PDCD4: variants seen among roughly 807,000 people sequenced by gnomAD.
PDCD4 encodes programmed cell death 4.
PDCD4 carries 56 observed loss-of-function variants against 54.0 expected under a neutral mutation model. That is an observed-to-expected ratio of 1.04 (90% CI 0.84 to 1.30). The LOEUF (loss-of-function observed/expected upper bound fraction) is 1.30, where lower values mean the gene tolerates loss of function less well. Ranked by LOEUF, PDCD4 falls within the 50% of genes most tolerant of loss-of-function variation. The probability of loss-of-function intolerance (pLI) is 0.00; values close to 1 mark genes in which losing one functional copy is unlikely to be tolerated. For missense variants in PDCD4, 584 were observed against 559.8 expected, an observed-to-expected ratio of 1.04 and a Z score of -0.44; for synonymous variants, 186 against 194.8, an observed-to-expected ratio of 0.95 and a Z score of 0.37.
intron 2 of PDCD4, among the ~76,000 whole-genome samples, chr10:110,878,474 A>C (rs1405252373): frequency 6.6e-6 from 1 of 152,206 alleles, no homozygotes; most frequent in Admixed American, 6.5e-5. Flanking sequence ...TGATGAAAGC[A>C]CTATGTTACA....
At chr10:110,892,028 G>A (rs532579942) in intron 8 of PDCD4, among the ~76,000 whole-genome samples, 1 of 152,258 alleles carries the variant, frequency 6.6e-6, no homozygotes, top group Admixed American at 6.5e-5. Context: ...CAGAAAGGTT[G>A]CAAGATAAAA....
intron 5 of PDCD4, among the ~76,000 whole-genome samples, chr10:110,886,367 T>C (rs1291384977): frequency 1.3e-5 from 2 of 152,130 alleles, no homozygotes; most frequent in African/African-American, 4.8e-5. Flanking sequence ...CTGAAGGATG[T>C]TGAGGAGTTC....
chr10:110,879,645 G>A (rs1263760750), intron 2 of PDCD4, among the ~76,000 whole-genome samples: 4 of 145,484 alleles, frequency 2.7e-5, no homozygotes, highest in South Asian at 2.2e-4. Flanking sequence ...AGAGCGACAC[G>A]CTGTCTCAAA....
intron 10 of PDCD4, among the ~76,000 whole-genome samples, chr10:110,895,329 TTA>T (rs1845815542): frequency 1.3e-5 from 2 of 152,198 alleles, no homozygotes; most frequent in East Asian, 3.9e-4. Context: ...AGACCATGCA[TTA>T]TTTGGTTTTA....
intron 8 of PDCD4, among the ~76,000 whole-genome samples, chr10:110,891,406 C>CAAAAA (rs376743141): frequency 7.3e-5 from 5 of 68,652 alleles, no homozygotes; most frequent in Admixed American, 3.7e-4. Context: ...GACTCTGTCT[C>CAAAAA]AAAAAAAAAA....
chr10:110,882,722 C>T (rs1001745645), intron 3 of PDCD4, among the ~76,000 whole-genome samples: 1 of 152,050 alleles, frequency 6.6e-6, no homozygotes, highest in Admixed American at 6.6e-5. Context: ...CCTTTGAGGT[C>T]CTCAATATAG....
intron 2 of PDCD4, among the ~76,000 whole-genome samples, chr10:110,880,994 GAAAC>G (rs1669765114): frequency 6.6e-6 from 1 of 152,272 alleles, no homozygotes; most frequent in Non-Finnish European, 1.5e-5. Flanking sequence ...TTTTTGGTAA[GAAAC>G]AAACATGCTT....
intron 4 of PDCD4, chr10:110,884,818 A>T (rs953145040): frequency 2.6e-5 from 4 of 152,170 alleles, no homozygotes; most frequent in African/African-American, 9.7e-5. Flanking sequence ...TATTATTATT[A>T]TTTTTTAGCT....
intron 1 of PDCD4, among the ~76,000 whole-genome samples, chr10:110,873,430 A>G (rs1845452737): frequency 6.6e-6 from 1 of 152,244 alleles, no homozygotes; most frequent in Non-Finnish European, 1.5e-5. Context: ...TATTTCAGGA[A>G]ATACATATGT....
rs754289029 is a variant in PDCD4, at chr10:110,887,846, A to G, written c.737A>G (p.Asp246Gly). 3 of 1,613,310 alleles carry G rather than the reference A, an allele frequency of 1.9e-6. No homozygotes were observed. The highest frequency in any genetic ancestry group is 2.5e-6 in the Non-Finnish European group (3 of 1,179,366). ...VEKSFDKLLK[D>G]LPELALDTPR... is the part of the protein sequence containing the mutation. ...AAATCATTTGATAAATTGTTGAAAG[A>G]TCTACCTGAATTAGCACTGGATACT... Residue 246 changes from aspartate (D) to glycine (G), a missense_variant, in exon 6 of 12, where the codon GAT becomes GGT. Asp to Gly is a moderately conservative substitution (Grantham distance 94, BLOSUM62 -1). Coordinates refer to ENST00000280154, the MANE Select transcript of PDCD4 (RefSeq NM_014456.5).
chr10:110,882,911 TAGC>T, intron 3 of PDCD4, 89 bp from the exon 4 acceptor site: 1 of 809,874 alleles, frequency 1.2e-6, no homozygotes, highest in Admixed American at 2.4e-5. Context: ...AATTTTTTTT[TAGC>T]TGTTGTTTAA....
chr10:110,887,944 A>T, intron 6 of PDCD4, 58 bp downstream of exon 6: 3 of 1,172,094 alleles, frequency 2.6e-6, no homozygotes, highest in Non-Finnish European at 3.8e-6. Context: ...CTAATTGTGG[A>T]AATAATGTAT....
At position 110,881,360 on chromosome 10, in the gene PDCD4, C is replaced by G. The variant is rs1252068718; in HGVS notation, c.171C>G (p.Ala57=). The part of the protein sequence containing the change: ...ASSINEARIN[A]KAKRRLRKNS... Reference sequence around the variant, plus strand: ...CCATTAACGAAGCTAGAATTAATGCCAAGGCAAAAAGGCGACTAAGGAAAA... The same window carrying G: ...CCATTAACGAAGCTAGAATTAATGCGAAGGCAAAAAGGCGACTAAGGAAAA... The change falls in exon 3 of 12, where the codon GCC becomes GCG. Residue 57 remains alanine, a synonymous_variant. Transcript: ENST00000280154. 1 of 1,614,052 alleles carries G rather than the reference C, an allele frequency of 6.2e-7. No homozygotes were observed. Among genetic ancestry groups the G allele is most frequent in the East Asian group, 2.2e-5 (1 of 44,888 alleles).
At chr10:110,888,737 C>A (rs1310568706) in intron 6 of PDCD4, among the ~76,000 whole-genome samples, 3 of 152,030 alleles carry the variant, frequency 2.0e-5, no homozygotes, top group African/African-American at 7.2e-5. Context: ...AAATATCTTT[C>A]CCTGTGGCCA....
chr10:110,889,498 T>C (rs1203341629), intron 6 of PDCD4, 35 bp from the exon 7 acceptor site: 1 of 1,256,126 alleles, frequency 8.0e-7, no homozygotes, highest in Non-Finnish European at 1.1e-6. Context: ...GTTATTTAAC[T>C]TTTTTTATAG....
rs1379507606 is a variant in PDCD4, at chr10:110,895,959, A to G, written c.1221A>G (p.Arg407=). The change falls in exon 11 of 12, where the codon AGA becomes AGG. Residue 407 remains arginine (R), a synonymous_variant. Coordinates refer to ENST00000280154, the MANE Select transcript of PDCD4 (RefSeq NM_014456.5). The part of the protein sequence containing the change: ...TVDQMKRGYE[R]IYNEIPDINL... ...TTTCATTGTTGTAGGGTTATGAGAGAATTTACAATGAAATTCCGGACATTA... is the reference window on the plus strand; with the variant it reads ...TTTCATTGTTGTAGGGTTATGAGAGGATTTACAATGAAATTCCGGACATTA... 1 of 1,600,366 alleles carries G rather than the reference A, an allele frequency of 6.2e-7. No individual in the cohort carries two copies. The highest frequency in any genetic ancestry group is 1.7e-5 in the Admixed American group (1 of 57,490).
chr10:110,873,018 G>A (rs1216723567), intron 1 of PDCD4, among the ~76,000 whole-genome samples: 2 of 152,136 alleles, frequency 1.3e-5, no homozygotes, highest in Non-Finnish European at 2.9e-5. Context: ...TTTTTAACTT[G>A]TATTTTTACT....
intron 2 of PDCD4, among the ~76,000 whole-genome samples, chr10:110,878,142 G>A (rs776777405): frequency 2.6e-5 from 4 of 152,054 alleles, no homozygotes. Context: ...TTTTAATTTT[G>A]GTTTTCTTAA....
intron 2 of PDCD4, among the ~76,000 whole-genome samples, chr10:110,880,063 G>A (rs987539837): frequency 1.3e-5 from 2 of 152,196 alleles, no homozygotes; most frequent in South Asian, 2.1e-4. Flanking sequence ...TGGCCCAGTG[G>A]TAGCTAATTC....
Sources: gnomAD v4.1 joint callset for allele counts (sites outside exome capture counted in the v4.1 genomes callset) on GRCh38, gnomAD v4.1.1 for gene constraint, MANE v1.5 for transcripts, NCBI Gene and HGNC (gene_info 2026-07-23, HGNC 2026-07-21) for gene names.